XRCC4: variants seen among roughly 807,000 people sequenced by gnomAD.
XRCC4 encodes DNA repair protein XRCC4.
Under a neutral mutation model 39.1 loss-of-function variants are expected in XRCC4, and 28 were observed. The ratio of observed to expected loss-of-function variants is 0.72; its 90% CI spans 0.53 to 0.98. XRCC4 has a LOEUF of 0.98. Among genes scored for constraint, XRCC4 ranks in the 50% least tolerant of loss-of-function variants. The pLI is 0.00. For missense variants in XRCC4, 350 were observed against 376.4 expected (o/e 0.93, Z 0.58); for synonymous variants, 123 against 126.4 (o/e 0.97, Z 0.18).
At chr5:83,145,144 C>T (rs1318414694) in intron 3 of XRCC4, among the ~76,000 whole-genome samples, 2 of 152,196 alleles carry the variant, frequency 1.3e-5, no homozygotes, top group African/African-American at 4.8e-5. Flanking sequence ...ATCCGCCTGC[C>T]TCGGCCTCCC....
intron 3 of XRCC4, among the ~76,000 whole-genome samples, chr5:83,129,671 T>C (rs182158946): frequency 4.1e-4 from 62 of 152,212 alleles, no homozygotes; most frequent in African/African-American, 1.2e-3. Context: ...TTTGTAGTTC[T>C]CCTTGAAGAG....
chr5:83,301,353 T>C (rs548389582), intron 7 of XRCC4, among the ~76,000 whole-genome samples: 3 of 152,328 alleles, frequency 2.0e-5, no homozygotes, highest in African/African-American at 7.2e-5. Flanking sequence ...TTTTTCTATG[T>C]TTGTTGGCCA....
intron 7 of XRCC4, among the ~76,000 whole-genome samples, chr5:83,292,109 G>C (rs1180743838): frequency 6.6e-6 from 1 of 151,598 alleles, no homozygotes; most frequent in Non-Finnish European, 1.5e-5. Flanking sequence ...ATTTCTTATA[G>C]AGCAGCATCT....
Position 83,104,946 on chromosome 5 carries a change from C to T in XRCC4, c.27C>T (p.His9=), listed in dbSNP as rs1252823908. 6.2e-7 allele frequency: 1 copy of T among 1,613,314 alleles called. No individual in the cohort carries two copies. Among genetic ancestry groups the T allele is most frequent in the South Asian group, 1.1e-5 (1 of 91,036 alleles). The change falls in exon 2 of 8, where the codon CAC becomes CAT. Residue 9 remains histidine, a synonymous_variant. Transcript: ENST00000396027. MERKISRI[H]LVSEPSITHF... Reference sequence around the variant, plus strand: ...TGGAGAGAAAAATAAGCAGAATCCACCTTGTTTCTGAACCCAGTATAACTC... The same window carrying T: ...TGGAGAGAAAAATAAGCAGAATCCATCTTGTTTCTGAACCCAGTATAACTC...
At chr5:83,343,482 T>C (rs960168450) in intron 7 of XRCC4, among the ~76,000 whole-genome samples, 8 of 152,156 alleles carry the variant, frequency 5.3e-5, no homozygotes, top group African/African-American at 9.6e-5. Context: ...AGATAATTTA[T>C]AGTGGGTGAG....
At chr5:83,149,570 AAG>A in intron 3 of XRCC4, among the ~76,000 whole-genome samples, 1 of 152,152 alleles carries the variant, frequency 6.6e-6, no homozygotes, top group Non-Finnish European at 1.5e-5. Context: ...GCAGTGATCA[AAG>A]AAGTTGCATT....
chr5:83,356,118 TA>T (rs1241969834), downstream of XRCC4, among the ~76,000 whole-genome samples: 1 of 152,124 alleles, frequency 6.6e-6, no homozygotes, highest in Non-Finnish European at 1.5e-5. Context: ...GAAATTTAAA[TA>T]TATAATTATA....
intron 7 of XRCC4, among the ~76,000 whole-genome samples, chr5:83,349,383 C>T (rs1757014127): frequency 6.6e-6 from 1 of 152,178 alleles, no homozygotes; most frequent in Non-Finnish European, 1.5e-5. Context: ...TAACAATAAA[C>T]ATTTACTACC....
chr5:83,339,409 G>T (rs1756688382), intron 7 of XRCC4, among the ~76,000 whole-genome samples: 1 of 151,938 alleles, frequency 6.6e-6, no homozygotes, highest in African/African-American at 2.4e-5. Context: ...TCACTCATAA[G>T]TGGGAGTTGA....
intron 7 of XRCC4, among the ~76,000 whole-genome samples, chr5:83,261,561 A>C (rs6864659): frequency 0.2 from 30,903 of 151,592 alleles, 7,146 homozygotes; most frequent in African/African-American, 0.57. Context: ...AACTCAAGAA[A>C]AAAGAAACAA....
In XRCC4 at chr5:83,195,886, G is replaced by T; in HGVS notation, c.432G>T (p.Leu144=). The change falls in exon 4 of 8, where the codon CTG becomes CTT. Residue 144 remains leucine (L), a synonymous_variant. Coordinates refer to ENST00000396027, the MANE Select transcript of XRCC4 (RefSeq NM_003401.5). ...IAENQAKNEH[L]QKENERLLRD... is the part of the protein sequence containing the mutation. ...AAAATCAAGCCAAAAATGAGCACCT[G>T]CAGAAAGAAAATGAAAGGCTTCTGA... 6.2e-7 allele frequency: 1 copy of T among 1,611,656 alleles called. No individual in the cohort carries two copies. Among genetic ancestry groups the T allele is most frequent in the Non-Finnish European group, 8.5e-7 (1 of 1,178,526 alleles).
chr5:83,269,427 A>G (rs1457883824), intron 7 of XRCC4, among the ~76,000 whole-genome samples: 2 of 151,112 alleles, frequency 1.3e-5, no homozygotes, highest in African/African-American at 4.9e-5. Flanking sequence ...TTGGTGTAAT[A>G]GTTCCAAGTA....
At chr5:83,288,387 G>A (rs148995888) in intron 7 of XRCC4, among the ~76,000 whole-genome samples, 2 of 152,014 alleles carry the variant, frequency 1.3e-5, no homozygotes, top group African/African-American at 4.8e-5. Flanking sequence ...CTCCAATAAT[G>A]CATTTGTCTT....
intron 3 of XRCC4, among the ~76,000 whole-genome samples, chr5:83,119,554 C>G (rs1449911374): frequency 6.6e-6 from 1 of 151,560 alleles, no homozygotes; most frequent in Admixed American, 6.6e-5. Flanking sequence ...GTTTGTGGAC[C>G]CATTTTCTTT....
At chr5:83,201,994 A>G (rs1751218854) in intron 4 of XRCC4, 1 of 149,352 alleles carries the variant, frequency 6.7e-6, no homozygotes, top group African/African-American at 2.5e-5. Flanking sequence ...GTGAGTGGAG[A>G]TCGTGCCACT....
intron 3 of XRCC4, among the ~76,000 whole-genome samples, chr5:83,191,195 T>TA (rs1213456309): frequency 6.6e-6 from 1 of 152,172 alleles, no homozygotes; most frequent in Non-Finnish European, 1.5e-5. Flanking sequence ...AACTGAATAA[T>TA]ACATTGTATG....
At chr5:83,094,987 C>G (rs1020269384) in intron 1 of XRCC4, among the ~76,000 whole-genome samples, 7 of 146,768 alleles carry the variant, frequency 4.8e-5, no homozygotes, top group Admixed American at 1.4e-4. Context: ...TTTCCTGAGT[C>G]TTTGTAATCC....
chr5:83,360,985 C>A, the XRCC4 span, among the ~76,000 whole-genome samples: 1 of 152,102 alleles, frequency 6.6e-6, no homozygotes, highest in African/African-American at 2.4e-5. Context: ...TATTTTCTGG[C>A]TGGAACCTGG....
chr5:83,355,014 G>C (rs1356584056), downstream of XRCC4, among the ~76,000 whole-genome samples: 1 of 152,024 alleles, frequency 6.6e-6, no homozygotes, highest in Non-Finnish European at 1.5e-5. Context: ...GTCTGCACCT[G>C]TACCTTGGCC....
Sources: gnomAD v4.1 joint callset for allele counts (sites outside exome capture counted in the v4.1 genomes callset) on GRCh38, gnomAD v4.1.1 for gene constraint, MANE v1.5 for transcripts, NCBI Gene and HGNC (gene_info 2026-07-23, HGNC 2026-07-21) for gene names.